The following NFAT5 variants were observed in gnomAD, a reference collection of about 807,000 sequenced individuals.
NFAT5 encodes the protein nuclear factor of activated T-cells 5.
A neutral mutation model predicts 166.5 loss-of-function variants in NFAT5; 31 were observed. The observed-to-expected ratio is 0.19, with a 90% CI of 0.14 to 0.25. The LOEUF is 0.25. Among genes scored for constraint, NFAT5 ranks in the 10% least tolerant of loss-of-function variants. The pLI, the probability that NFAT5 is intolerant of heterozygous loss-of-function variation, is 1.00. For missense variants in NFAT5, 1,449 were observed against 1,821.8 expected (o/e 0.80, Z 3.72); for synonymous variants, 612 against 639.7 (o/e 0.96, Z 0.65).
chr16:69,568,423 G>T, intron 1 of NFAT5, 72 bp from the exon 2 acceptor site: 1 of 974,196 alleles, frequency 1.0e-6, no homozygotes, highest in Non-Finnish European at 1.6e-6. Context: ...TTATATAAGA[G>T]ATGTATGCTA....
chr16:69,624,573 G>A (rs1454358779), intron 2 of NFAT5, among the ~76,000 whole-genome samples: 1 of 152,174 alleles, frequency 6.6e-6, no homozygotes, highest in Non-Finnish European at 1.5e-5. Flanking sequence ...TCGTTTAAGA[G>A]TACAACTTCT....
intron 2 of NFAT5, among the ~76,000 whole-genome samples, chr16:69,619,295 C>G (rs1234718648): frequency 1.3e-5 from 2 of 152,168 alleles, no homozygotes; most frequent in Non-Finnish European, 2.9e-5. Flanking sequence ...CTTGTAGCAT[C>G]TCTGTGAGGC....
chr16:69,680,855 G>A (rs1252411545), intron 10 of NFAT5, among the ~76,000 whole-genome samples: 2 of 151,974 alleles, frequency 1.3e-5, no homozygotes, highest in Non-Finnish European at 2.9e-5. Flanking sequence ...CACCTCCCAG[G>A]TTCAGGCAAT....
chr16:69,597,380 A>T (rs750607923), intron 2 of NFAT5, among the ~76,000 whole-genome samples: 54 of 152,144 alleles, frequency 3.5e-4, no homozygotes, highest in Non-Finnish European at 1.5e-4. Context: ...ACATATATAT[A>T]TATCTCTTGC....
At chr16:69,585,546 C>G (rs1199488962) in intron 2 of NFAT5, among the ~76,000 whole-genome samples, 1 of 152,048 alleles carries the variant, frequency 6.6e-6, no homozygotes, top group East Asian at 1.9e-4. Context: ...GCATTATTTA[C>G]AATAGCCAAA....
chr16:69,638,719 G>C (rs1290135026), intron 3 of NFAT5, among the ~76,000 whole-genome samples: 1 of 135,562 alleles, frequency 7.4e-6, no homozygotes, highest in African/African-American at 2.8e-5. Context: ...TTGGGCAACA[G>C]AGAGAGACTC....
chr16:69,580,744 C>T (rs1292320485), intron 2 of NFAT5, among the ~76,000 whole-genome samples: 1 of 152,108 alleles, frequency 6.6e-6, no homozygotes, highest in Admixed American at 6.5e-5. Flanking sequence ...CAAGCTCTGC[C>T]TCCCAGGTTC....
intron 2 of NFAT5, among the ~76,000 whole-genome samples, chr16:69,606,684 A>G (rs1315350968): frequency 6.6e-6 from 1 of 152,110 alleles, no homozygotes; most frequent in Non-Finnish European, 1.5e-5. Context: ...ATGAAACGTC[A>G]TCTCCACTAA....
intron 2 of NFAT5, among the ~76,000 whole-genome samples, chr16:69,605,023 A>G (rs546974786): frequency 1.2e-4 from 18 of 152,302 alleles, no homozygotes; most frequent in Admixed American, 1.2e-3. Flanking sequence ...CTATAATAGC[A>G]TATGTGTACA....
In NFAT5 at chr16:69,630,457, C is replaced by T. The variant is rs1597434440; in HGVS notation, c.253+3929C>T. On this transcript the variant is annotated intron_variant, in intron 3 of 14. Transcript: ENST00000349945. ...AAGCACTGGAATTCCAGGTGTAAGC[C>T]ACCACACTGGGCCCTCCTCCTCATT... 2.0e-5 allele frequency among the ~76,000 whole-genome samples: 3 copies of T among 152,122 alleles called. No homozygotes were observed. In the South Asian group the frequency reaches 6.2e-4, roughly 31 times the overall value.
intron 11 of NFAT5, among the ~76,000 whole-genome samples, chr16:69,688,561 G>A (rs1041688734): frequency 3.4e-4 from 51 of 151,716 alleles, no homozygotes; most frequent in African/African-American, 1.1e-3. Context: ...TAGTAGAGAC[G>A]GGGTTTCACC....
rs1405377522 is a variant in NFAT5 at position 69,701,729 on chromosome 16, T to C, written c.*5378T>C. The C allele has an allele frequency of 6.6e-6, 1 of 152,212 alleles. No homozygotes were observed. Among genetic ancestry groups the C allele is most frequent in the Non-Finnish European group, 1.5e-5 (1 of 68,046 alleles). 9.4% of individuals were successfully genotyped at this position (152,212 alleles called of 1,614,324 possible). A position where few individuals can be genotyped will look rare whatever the true frequency, so the allele number is the denominator to read the frequency against. On this transcript the variant is annotated 3_prime_UTR_variant, in exon 15 of 15. Coordinates refer to ENST00000349945, the MANE Select transcript of NFAT5 (RefSeq NM_138713.4). ...CAGGAAGAAAGTGTTGAAAGCATTT[T>C]CTCTGATGTTAATTAGATGGAAATA...
chr16:69,630,565 T>TA (rs2034668994), intron 3 of NFAT5, among the ~76,000 whole-genome samples: 1 of 152,200 alleles, frequency 6.6e-6, no homozygotes, highest in Non-Finnish European at 1.5e-5. Context: ...GCTTTAAAAA[T>TA]ATAAACTTTC....
intron 2 of NFAT5, among the ~76,000 whole-genome samples, chr16:69,597,505 A>G (rs2032864478): frequency 2.0e-5 from 3 of 151,998 alleles, no homozygotes; most frequent in Non-Finnish European, 2.9e-5. Flanking sequence ...TTCTTTTGCT[A>G]TCATTCCTAG....
chr16:69,586,705 G>A (rs1051600705), intron 2 of NFAT5, among the ~76,000 whole-genome samples: 1 of 151,800 alleles, frequency 6.6e-6, no homozygotes, highest in Admixed American at 6.6e-5. Context: ...GCCCGGCCTC[G>A]ACTGGAAAAT....
At chr16:69,603,364 A>AT (rs1251229214) in intron 2 of NFAT5, among the ~76,000 whole-genome samples, 10 of 151,992 alleles carry the variant, frequency 6.6e-5, no homozygotes, top group Non-Finnish European at 5.9e-5. Flanking sequence ...GATTATCTTA[A>AT]TTTTTTCTCA....
At chr16:69,639,456 T>C (rs2035110174) in intron 3 of NFAT5, among the ~76,000 whole-genome samples, 1 of 152,168 alleles carries the variant, frequency 6.6e-6, no homozygotes, top group African/African-American at 2.4e-5. Flanking sequence ...AGTAATTGTT[T>C]TATAACATTA....
intron 14 of NFAT5, 87 bp downstream of exon 14, chr16:69,695,466 C>A (rs2037731702): frequency 2.2e-6 from 2 of 891,534 alleles, no homozygotes; most frequent in Admixed American, 2.3e-5. Flanking sequence ...TAGTTCTAAT[C>A]TTTTAAAATG....
chr16:69,669,108 T>G (rs1296734007), intron 7 of NFAT5, among the ~76,000 whole-genome samples: 1 of 152,136 alleles, frequency 6.6e-6, no homozygotes, highest in African/African-American at 2.4e-5. Context: ...TTGCCCAGGC[T>G]GGTCTTGAAC....
Sources: gnomAD v4.1 joint callset for allele counts (sites outside exome capture counted in the v4.1 genomes callset) on GRCh38, gnomAD v4.1.1 for gene constraint, MANE v1.5 for transcripts, NCBI Gene and HGNC (gene_info 2026-07-23, HGNC 2026-07-21) for gene names.